The following BMP5 variants were observed in gnomAD, a reference collection of about 807,000 sequenced individuals.
BMP5 encodes the protein bone morphogenetic protein 5.
In BMP5, 23 loss-of-function variants were observed where a neutral mutation model predicts 46.6. The observed-to-expected ratio is 0.49, with a 90% CI of 0.35 to 0.70. The LOEUF (loss-of-function observed/expected upper bound fraction) is 0.70. BMP5 is among the 30% of genes least tolerant of loss of function. BMP5 has a pLI of 0.00. For missense variants in BMP5, 545 were observed against 565.6 expected (o/e 0.96, Z 0.37); for synonymous variants, 204 against 191.9 (o/e 1.06, Z -0.52).
At chr6:55,788,041 C>T (rs1044906169) in intron 3 of BMP5, among the ~76,000 whole-genome samples, 1 of 151,530 alleles carries the variant, frequency 6.6e-6, no homozygotes, top group African/African-American at 2.4e-5. Context: ...GTTCTATGAA[C>T]ATTAAAATCC....
intron 2 of BMP5, among the ~76,000 whole-genome samples, chr6:55,816,066 T>C (rs1776256154): frequency 6.6e-6 from 1 of 152,016 alleles, no homozygotes; most frequent in Non-Finnish European, 1.5e-5. Context: ...TTCTAGAGGA[T>C]AGAAAACTGG....
intron 2 of BMP5, among the ~76,000 whole-genome samples, chr6:55,806,604 G>A (rs189754533): frequency 7.6e-4 from 115 of 152,122 alleles, no homozygotes; most frequent in African/African-American, 2.6e-3. Flanking sequence ...AATTCTGTGG[G>A]GAATGCCAAT....
In BMP5 at chr6:55,875,176, C is replaced by A; in HGVS notation, c.-311G>T. 1 of 271,426 alleles carries A rather than the reference C, an allele frequency of 3.7e-6. No homozygotes were observed. Among genetic ancestry groups the A allele is most frequent in the East Asian group, 9.1e-5 (1 of 10,946 alleles). 16.8% of individuals were successfully genotyped at this position (271,426 alleles called of 1,614,324 possible). ...GGCTAATATTATTTGATCAGATGAC[C>A]TATGCATTCCTATATGAATTTATGA... is the stretch of plus-strand genomic sequence containing the variant. On this transcript the variant is annotated 5_prime_UTR_variant, in exon 1 of 7. In the 5' UTR this introduces an upstream ATG that the reference lacks. Coordinates refer to ENST00000370830, the MANE Select transcript of BMP5 (RefSeq NM_021073.4).
Position 55,753,827 on chromosome 6 carries a change from C to G in BMP5, c.*1706G>C, listed in dbSNP as rs1054842805. 3 of 151,736 alleles carry G rather than the reference C, an allele frequency of 2.0e-5. No individual in the cohort carries two copies. In the East Asian group the frequency reaches 5.8e-4, roughly 30 times the overall value. 9.4% of individuals were successfully genotyped at this position (151,736 alleles called of 1,614,324 possible). ...TTTTGTATTCCTTTTAAATAAAGAA[C>G]CAAATCAAGAACAGCAGAAATTAGC... On this transcript the variant is annotated 3_prime_UTR_variant, in exon 7 of 7. Transcript: ENST00000370830.
intron 3 of BMP5, among the ~76,000 whole-genome samples, chr6:55,778,842 C>T (rs1170358391): frequency 2.6e-5 from 4 of 151,966 alleles, no homozygotes; most frequent in Non-Finnish European, 5.9e-5. Context: ...ATAATTGGGG[C>T]TGGAGATTCA....
chr6:55,807,319 A>T (rs1388296203), intron 2 of BMP5, among the ~76,000 whole-genome samples: 1 of 152,210 alleles, frequency 6.6e-6, no homozygotes, highest in African/African-American at 2.4e-5. Flanking sequence ...TATTGGGATG[A>T]CCATGTGATT....
chr6:55,824,347 C>A (rs1776480252), intron 1 of BMP5, among the ~76,000 whole-genome samples: 1 of 151,808 alleles, frequency 6.6e-6, no homozygotes, highest in African/African-American at 2.4e-5. Context: ...CCTTTTAATT[C>A]ATTCCTTAAT....
chr6:55,828,930 C>G (rs989268736), intron 1 of BMP5, among the ~76,000 whole-genome samples: 1 of 151,692 alleles, frequency 6.6e-6, no homozygotes, highest in African/African-American at 2.4e-5. Context: ...AAAAGACAAA[C>G]TATGAATTTT....
At chr6:55,861,887 G>C (rs1777533947) in intron 1 of BMP5, among the ~76,000 whole-genome samples, 1 of 152,198 alleles carries the variant, frequency 6.6e-6, no homozygotes, top group South Asian at 2.1e-4. Flanking sequence ...TCAGTGAATA[G>C]CTTGAGCTCT....
At chr6:55,841,735 C>T (rs528029875) in intron 1 of BMP5, among the ~76,000 whole-genome samples, 1 of 152,270 alleles carries the variant, frequency 6.6e-6, no homozygotes, top group East Asian at 1.9e-4. Context: ...CAAATGTCCT[C>T]TTTTTATAAA....
At chr6:55,794,221 A>G in intron 3 of BMP5, 58 bp downstream of exon 3, 12 of 1,585,466 alleles carry the variant, frequency 7.6e-6, no homozygotes, top group Non-Finnish European at 1.0e-5. Context: ...ATAAAAAACG[A>G]TAACTCTCAA....
chr6:55,823,633 T>C (rs1313370375), intron 1 of BMP5, among the ~76,000 whole-genome samples: 2 of 152,062 alleles, frequency 1.3e-5, no homozygotes, highest in African/African-American at 4.8e-5. Flanking sequence ...TGTGTTTTTC[T>C]GAATATTGTT....
At chr6:55,799,899 C>T (rs1775802479) in intron 2 of BMP5, among the ~76,000 whole-genome samples, 1 of 152,174 alleles carries the variant, frequency 6.6e-6, no homozygotes, top group African/African-American at 2.4e-5. Context: ...TAGGTTTGCA[C>T]AGACCTCCCC....
chr6:55,755,763 A>G (rs1774577312), intron 6 of BMP5, 81 bp from the exon 7 acceptor site: 1 of 1,315,668 alleles, frequency 7.6e-7, no homozygotes, highest in Non-Finnish European at 1.1e-6. Context: ...TGATTATTTT[A>G]TCACTCATAA....
chr6:55,756,607 A>G (rs1044915474), intron 6 of BMP5, among the ~76,000 whole-genome samples: 1 of 151,938 alleles, frequency 6.6e-6, no homozygotes, highest in African/African-American at 2.4e-5. Flanking sequence ...GGGATCCACA[A>G]AAAGCAAATA....
chr6:55,863,770 G>A (rs542108162), intron 1 of BMP5, among the ~76,000 whole-genome samples: 11 of 152,226 alleles, frequency 7.2e-5, no homozygotes, highest in Non-Finnish European at 1.2e-4. Flanking sequence ...AACCAATTAC[G>A]TGTTTTCAGA....
At chr6:55,850,934 T>C (rs1259499133) in intron 1 of BMP5, among the ~76,000 whole-genome samples, 2 of 152,202 alleles carry the variant, frequency 1.3e-5, no homozygotes, top group African/African-American at 4.8e-5. Context: ...AATGTTTGTA[T>C]ACCATCTAGC....
In BMP5 at chr6:55,833,094, C is replaced by T. The variant is rs553695592; in HGVS notation, c.491-13247G>A. The stretch of plus-strand genomic sequence containing the variant: ...TCATGCCACTGTACTCCAGCCTGTG[C>T]GACAGAGCAAGATCCTGTCTCTAAG... On this transcript the variant is annotated intron_variant, in intron 1 of 6. Transcript: ENST00000370830. Among the ~76,000 whole-genome samples the T allele has an allele frequency of 3.3e-5, 5 of 152,072 alleles. No individual in the cohort carries two copies. In the East Asian group the frequency reaches 7.7e-4, roughly 24 times the overall value.
chr6:55,772,888 A>C (rs1484117907), intron 4 of BMP5: 22 of 985,006 alleles, frequency 2.2e-5, no homozygotes, highest in Non-Finnish European at 2.7e-5. Flanking sequence ...AATGAATTCC[A>C]CCTAGTAGTT....
Sources: gnomAD v4.1 joint callset for allele counts (sites outside exome capture counted in the v4.1 genomes callset) on GRCh38, gnomAD v4.1.1 for gene constraint, MANE v1.5 for transcripts, NCBI Gene and HGNC (gene_info 2026-07-23, HGNC 2026-07-21) for gene names.